Variants in SEZ6L observed in about 807,000 individuals in gnomAD.
SEZ6L encodes the protein seizure related 6 homolog like.
A neutral mutation model predicts 106.2 loss-of-function variants in SEZ6L; 37 were observed. The observed-to-expected ratio is 0.35, with a 90% confidence interval of 0.27 to 0.46. SEZ6L has a LOEUF of 0.46. SEZ6L is among the 20% of genes least tolerant of loss of function. The probability of loss-of-function intolerance (pLI) is 1.00; values close to 1 mark genes in which losing one functional copy is unlikely to be tolerated. For synonymous variants in SEZ6L, 541 were observed against 570.4 expected (o/e 0.95, Z 0.73); for missense variants, 1,172 against 1,332.8 (o/e 0.88, Z 1.88).
chr22:26,271,545 T>C (rs2080368429), intron 1 of SEZ6L, among the ~76,000 whole-genome samples: 2 of 152,230 alleles, frequency 1.3e-5, no homozygotes, highest in Admixed American at 6.5e-5. Flanking sequence ...CATAAATGGC[T>C]TGGCGTCTTT....
At chr22:26,312,104 C>T (rs1479783633) in intron 8 of SEZ6L, 142 bp downstream of exon 8, 4 of 833,636 alleles carry the variant, frequency 4.8e-6, no homozygotes, top group South Asian at 1.8e-5. Flanking sequence ...GGTTCACTGT[C>T]CTTTGGTTCA....
chr22:26,213,960 T>C (rs2078230730), intron 1 of SEZ6L, among the ~76,000 whole-genome samples: 1 of 152,182 alleles, frequency 6.6e-6, no homozygotes. Flanking sequence ...TGAGCAAGGA[T>C]GGATTGGGCC....
intron 12 of SEZ6L, among the ~76,000 whole-genome samples, chr22:26,361,949 A>G (rs549563874): frequency 1.3e-5 from 2 of 152,174 alleles, no homozygotes; most frequent in Non-Finnish European, 2.9e-5. Flanking sequence ...CAGAGGAATC[A>G]TTAGAATATG....
At chr22:26,291,554 C>T (rs2081108999) in intron 1 of SEZ6L, among the ~76,000 whole-genome samples, 1 of 152,058 alleles carries the variant, frequency 6.6e-6, no homozygotes, top group Non-Finnish European at 1.5e-5. Flanking sequence ...TGTTTACCTA[C>T]ATAACAAACC....
At chr22:26,291,763 C>T (rs982195649) in intron 1 of SEZ6L, among the ~76,000 whole-genome samples, 7 of 152,182 alleles carry the variant, frequency 4.6e-5, no homozygotes, top group African/African-American at 1.7e-4. Context: ...GCATGCCTGT[C>T]CTGCAGACGG....
At chr22:26,172,760 G>A (rs1165438211) in intron 1 of SEZ6L, among the ~76,000 whole-genome samples, 1 of 152,146 alleles carries the variant, frequency 6.6e-6, no homozygotes, top group Non-Finnish European at 1.5e-5. Context: ...CTGTTTCTCA[G>A]AGAAAAATTA....
At chr22:26,348,826 AGGG>A (rs1462380655) in intron 11 of SEZ6L, among the ~76,000 whole-genome samples, 5 of 6,648 alleles carry the variant, frequency 7.5e-4, no homozygotes, top group African/African-American at 1.1e-3. Flanking sequence ...AAGAGAGGGA[AGGG>A]GGGAGGGAAG....
chr22:26,323,525 T>C (rs8140493), intron 9 of SEZ6L, among the ~76,000 whole-genome samples: 14,486 of 152,140 alleles, frequency 0.095, 728 homozygotes, highest in Middle Eastern at 0.19. Context: ...CCCAGCTACT[T>C]GAGAGGCTGA....
At chr22:26,227,529 T>G (rs2078669022) in intron 1 of SEZ6L, among the ~76,000 whole-genome samples, 1 of 152,118 alleles carries the variant, frequency 6.6e-6, no homozygotes, top group Non-Finnish European at 1.5e-5. Context: ...CACCTCAGCC[T>G]TCTGAGTAGC....
intron 1 of SEZ6L, among the ~76,000 whole-genome samples, chr22:26,233,081 A>G (rs941990774): frequency 1.4e-4 from 22 of 152,254 alleles, no homozygotes; most frequent in Non-Finnish European, 3.1e-4. Context: ...CCCGAAGACC[A>G]TTTTTGTTCA....
chr22:26,197,707 G>T (rs1035438486), intron 1 of SEZ6L, among the ~76,000 whole-genome samples: 1 of 152,296 alleles, frequency 6.6e-6, no homozygotes, highest in East Asian at 1.9e-4. Flanking sequence ...ATATGTAAGA[G>T]AAACACTTTT....
intron 10 of SEZ6L, among the ~76,000 whole-genome samples, chr22:26,345,215 G>A (rs2082968268): frequency 6.6e-6 from 1 of 152,198 alleles, no homozygotes; most frequent in Non-Finnish European, 1.5e-5. Flanking sequence ...AGGGTCCCTG[G>A]GGTACAGGCC....
At chr22:26,203,870 A>T (rs1941136403) in intron 1 of SEZ6L, among the ~76,000 whole-genome samples, 2 of 152,196 alleles carry the variant, frequency 1.3e-5, no homozygotes, top group African/African-American at 2.4e-5. Flanking sequence ...AGAGCTGAAG[A>T]AGAGTAGGAG....
At chr22:26,207,471 G>A (rs770977921) in intron 1 of SEZ6L, among the ~76,000 whole-genome samples, 2 of 152,118 alleles carry the variant, frequency 1.3e-5, no homozygotes, top group Admixed American at 6.6e-5. Flanking sequence ...TAAAGTACCT[G>A]GCACATCATA....
chr22:26,250,102 C>T, intron 1 of SEZ6L, among the ~76,000 whole-genome samples: 1 of 152,132 alleles, frequency 6.6e-6, no homozygotes, highest in East Asian at 1.9e-4. Context: ...AATATTTTCT[C>T]CCATTCTGCA....
intron 9 of SEZ6L, among the ~76,000 whole-genome samples, chr22:26,339,991 T>C (rs1444791271): frequency 6.6e-6 from 1 of 152,056 alleles, no homozygotes; most frequent in East Asian, 1.9e-4. Flanking sequence ...TCCTAGCACA[T>C]TGGGAGGCCG....
chr22:26,265,103 T>C (rs2080133815), intron 1 of SEZ6L, among the ~76,000 whole-genome samples: 1 of 152,144 alleles, frequency 6.6e-6, no homozygotes. Flanking sequence ...TTGAACAGTG[T>C]AGCAGGATCC....
rs2084407079 is a variant in SEZ6L at position 26,381,403 on chromosome 22, G to A, written c.*1108G>A. ...ATTTCAGGGGGCGGGAGGGTCCCAT[G>A]AGAAGAAACTATTTTTCTATTCTCC... On this transcript the variant is annotated 3_prime_UTR_variant, in exon 17 of 17. Transcript: ENST00000248933. 1 of 152,302 alleles carries A rather than the reference G, an allele frequency of 6.6e-6. No homozygotes were observed. The highest frequency in any genetic ancestry group is 2.4e-5 in the African/African-American group (1 of 41,456). The allele number at this position is 152,302 out of a possible 1,614,324, so 9.4% of individuals were successfully genotyped here.
At chr22:26,289,942 C>T (rs548706699) in intron 1 of SEZ6L, among the ~76,000 whole-genome samples, 7 of 152,330 alleles carry the variant, frequency 4.6e-5, no homozygotes, top group African/African-American at 1.2e-4. Flanking sequence ...GCTCCAGTTT[C>T]CTGCCGAGGG....
Sources: gnomAD v4.1 joint callset for allele counts (sites outside exome capture counted in the v4.1 genomes callset) on GRCh38, gnomAD v4.1.1 for gene constraint, MANE v1.5 for transcripts, NCBI Gene and HGNC (gene_info 2026-07-23, HGNC 2026-07-21) for gene names.